Variants in RYR3 observed in about 807,000 individuals in gnomAD.
RYR3 encodes the protein ryanodine receptor 3, also known as brain ryanodine receptor-calcium release channel.
A neutral mutation model predicts 584.3 loss-of-function variants in RYR3; 207 were observed. The ratio of observed to expected loss-of-function variants is 0.35; its 90% CI spans 0.32 to 0.40. The LOEUF (loss-of-function observed/expected upper bound fraction) is 0.40. RYR3 is among the 10% of genes least tolerant of loss of function. RYR3 has a pLI of 1.00. For synonymous variants in RYR3, 2,416 were observed against 2,248.5 expected (o/e 1.07, Z -2.11); for missense variants, 5,616 against 6,089.2 (o/e 0.92, Z 2.59).
intron 65 of RYR3, among the ~76,000 whole-genome samples, chr15:33,785,092 C>A (rs1236298444): frequency 6.6e-6 from 1 of 152,188 alleles, no homozygotes; most frequent in Non-Finnish European, 1.5e-5. Context: ...TATTGTGAAG[C>A]CAGAAATCAG....
chr15:33,473,413 T>G lies in RYR3; in HGVS notation c.52-6T>G. ...ACTCATGTTTGGGTCTCTCTTCTCC[T>G]GGCAGGAGGATGAAGTGGTACTCCA... On this transcript the variant is annotated splice_region_variant and splice_polypyrimidine_tract_variant and intron_variant, in intron 1 of 103. Transcript: ENST00000634891. The G allele has an allele frequency of 2.5e-6, 4 of 1,613,630 alleles. No homozygotes were observed. Among genetic ancestry groups the G allele is most frequent in the Non-Finnish European group, 3.4e-6 (4 of 1,179,848 alleles).
In RYR3 at chr15:33,354,761, G is replaced by A. The variant is rs79786544; in HGVS notation, c.51+43665G>A. Among the ~76,000 whole-genome samples the A allele has an allele frequency of 3.5e-4, 53 of 152,256 alleles. No individual in the cohort carries two copies. The East Asian group carries it at 8.1e-3, about 23-fold the overall frequency. ...TTGATCTGGAAGCTTACTATTTTCC[G>A]TGATGCTCAATTTCCTTAGCAATTC... On this transcript the variant is annotated intron_variant, in intron 1 of 103. Transcript: ENST00000634891.
chr15:33,793,832 A>C (rs2075311167), intron 67 of RYR3, among the ~76,000 whole-genome samples: 1 of 150,836 alleles, frequency 6.6e-6, no homozygotes, highest in Admixed American at 6.7e-5. Flanking sequence ...GGTAAATTGT[A>C]GTTACTATTT....
intron 1 of RYR3, among the ~76,000 whole-genome samples, chr15:33,464,487 TATACAC>T (rs1482498090): frequency 0.05 from 4,257 of 84,516 alleles, 248 homozygotes; most frequent in African/African-American, 0.22. Context: ...TATATATATA[TATACAC>T]ATATATATAT....
chr15:33,335,033 C>T (rs1970796825), intron 1 of RYR3, among the ~76,000 whole-genome samples: 2 of 152,018 alleles, frequency 1.3e-5, no homozygotes, highest in East Asian at 1.9e-4. Context: ...AAATAACACA[C>T]GTCAGTGAGG....
intron 42 of RYR3, among the ~76,000 whole-genome samples, chr15:33,704,155 T>C (rs1022621520): frequency 2.6e-5 from 4 of 151,958 alleles, no homozygotes; most frequent in Admixed American, 1.3e-4. Context: ...GTGCCTATAG[T>C]CCCAGCTACT....
At chr15:33,402,338 G>C (rs2042735005) in intron 1 of RYR3, among the ~76,000 whole-genome samples, 1 of 152,188 alleles carries the variant, frequency 6.6e-6, no homozygotes, top group Admixed American at 6.5e-5. Context: ...TAACACAGCT[G>C]AAGCGGCATG....
intron 60 of RYR3, among the ~76,000 whole-genome samples, chr15:33,759,266 C>T (rs2072186578): frequency 6.6e-6 from 1 of 152,170 alleles, no homozygotes; most frequent in Non-Finnish European, 1.5e-5. Context: ...CCCTCACCAG[C>T]AAGGGAACAA....
At position 33,729,139 on chromosome 15, in the gene RYR3, C is replaced by T. The variant is rs529091046; in HGVS notation, c.7203+113C>T. On this transcript the variant is annotated intron_variant, in intron 47 of 103. Transcript: ENST00000634891. ...TCACCAATTACATTTTAATAGCTTA[C>T]TTTAATGGGTGAGAAAATAGAGGTA... 241 of 848,120 alleles carry T rather than the reference C, an allele frequency of 2.8e-4. 3 individuals are homozygous for T. The South Asian group carries it at 4.2e-3, about 15-fold the overall frequency. The allele number at this position is 848,120 out of a possible 1,614,324, so 52.5% of individuals were successfully genotyped here.
At chr15:33,722,317 T>C (rs11635093) in intron 43 of RYR3, among the ~76,000 whole-genome samples, 5,803 of 152,238 alleles carry the variant, frequency 0.038, 169 homozygotes, top group Non-Finnish European at 0.05. Context: ...TTAACTGCCC[T>C]CTGAGGACCT....
Position 33,838,196 on chromosome 15 carries a change from T to G in RYR3, c.12216T>G (p.Val4072=). 1 of 1,614,018 alleles carries G rather than the reference T, an allele frequency of 6.2e-7. No individual in the cohort carries two copies. Among genetic ancestry groups the G allele is most frequent in the South Asian group, 1.1e-5 (1 of 91,082 alleles). The change falls in exon 89 of 104, where the codon GTT becomes GTG. Residue 4072 remains valine (V), a synonymous_variant. Transcript: ENST00000634891. The part of the protein sequence containing the change: ...KESKRQFIFD[V]VNEGGEQEKM... ...CTAAGCGACAGTTCATTTTTGATGT[T>G]GTCAATGAAGGTGGGGAGCAGGAAA...
rs1595718731 is a variant in RYR3 at position 33,586,099 on chromosome 15, C to T, written c.1771C>T (p.His591Tyr). ...IKSIISLLDKHGRNHKVLDIL... is the reference protein window; with the variant it reads ...IKSIISLLDKYGRNHKVLDIL... ...GTCGATCATCTCCCTGTTGGATAAG[C>T]ACGGGCGGAATCACAAGGTAGGTGT... is the stretch of plus-strand genomic sequence containing the variant. The change falls in exon 16 of 104, where the codon CAC (histidine) becomes TAC (tyrosine). Residue 591 changes from histidine (H) to tyrosine (Y), a missense_variant. By Grantham distance (83) the His-to-Tyr change is moderately conservative. Transcript: ENST00000634891. 2 of 1,608,108 alleles carry T rather than the reference C, an allele frequency of 1.2e-6. No homozygotes were observed. Among genetic ancestry groups the T allele is most frequent in the East Asian group, 4.5e-5 (2 of 44,826 alleles).
intron 19 of RYR3, 129 bp from the exon 20 acceptor site, chr15:33,623,678 C>T (rs1005224288): frequency 1.5e-6 from 1 of 657,000 alleles, no homozygotes; most frequent in African/African-American, 1.8e-5. Flanking sequence ...TGTGGTTAAC[C>T]TGAAGTCGTT....
chr15:33,681,914 A>G (rs1329099239), intron 38 of RYR3, among the ~76,000 whole-genome samples: 1 of 152,136 alleles, frequency 6.6e-6, no homozygotes, highest in East Asian at 1.9e-4. Flanking sequence ...CCAGTGGCCA[A>G]CCTCCACTCT....
chr15:33,326,180 T>G (rs1224900340), intron 1 of RYR3, among the ~76,000 whole-genome samples: 1 of 152,166 alleles, frequency 6.6e-6, no homozygotes, highest in Admixed American at 6.5e-5. Flanking sequence ...AAATCAAAGC[T>G]ACTATCTTCT....
In RYR3 at chr15:33,586,006, G is replaced by C; in HGVS notation, c.1678G>C (p.Glu560Gln). ...TTGTGGCATTCATGTAGGTATCTTG[G>C]AAGTTTTGCACTGCATCTTAACTGA... ...DRLESSSGIL[E>Q]VLHCILTESP... Residue 560 changes from glutamate (E) to glutamine (Q), a missense_variant, in exon 16 of 104, where the codon GAA becomes CAA. This residue lies in a region of RYR3 where 1,284 missense variants were observed against 1,344.6 expected (regional missense o/e 0.95). Transcript: ENST00000634891. The C allele has an allele frequency of 6.2e-7, 1 of 1,607,862 alleles. No homozygotes were observed. The highest frequency in any genetic ancestry group is 8.5e-7 in the Non-Finnish European group (1 of 1,174,392).
intron 38 of RYR3, among the ~76,000 whole-genome samples, chr15:33,678,437 A>G (rs1256128770): frequency 6.6e-6 from 1 of 152,122 alleles, no homozygotes; most frequent in Admixed American, 6.5e-5. Flanking sequence ...TTCCACCACA[A>G]TTGTAAGTTT....
intron 5 of RYR3, among the ~76,000 whole-genome samples, chr15:33,533,637 T>C (rs2055067844): frequency 6.6e-6 from 1 of 152,250 alleles, no homozygotes; most frequent in Non-Finnish European, 1.5e-5. Context: ...AACAAATCTT[T>C]AACGTTGTTA....
At chr15:33,566,192 C>A (rs376413312) in intron 11 of RYR3, among the ~76,000 whole-genome samples, 2 of 152,296 alleles carry the variant, frequency 1.3e-5, no homozygotes, top group East Asian at 3.9e-4. Context: ...TTTCCCCAGC[C>A]CTGCAATTAA....
Sources: gnomAD v4.1 joint callset for allele counts (sites outside exome capture counted in the v4.1 genomes callset) on GRCh38, gnomAD v4.1.1 for gene constraint, gnomAD v4.1.1 regional missense constraint, MANE v1.5 for transcripts, NCBI Gene and HGNC (gene_info 2026-07-23, HGNC 2026-07-21) for gene names.